SLC8A1: variants seen among roughly 807,000 people sequenced by gnomAD.
SLC8A1 encodes the protein sodium/calcium exchanger 1.
SLC8A1 carries 18 observed loss-of-function variants against 68.3 expected under a neutral mutation model. That is an observed-to-expected ratio of 0.26 (90% CI 0.18 to 0.39). SLC8A1 has a LOEUF of 0.39. SLC8A1 is among the 10% of genes least tolerant of loss of function. The pLI is 1.00. For synonymous variants in SLC8A1, 475 were observed against 415.5 expected, an observed-to-expected ratio of 1.14 and a Z score of -1.74; for missense variants, 985 against 1,156.7, an observed-to-expected ratio of 0.85 and a Z score of 2.15.
chr2:40,276,143 C>G (rs187662627), intron 2 of SLC8A1, among the ~76,000 whole-genome samples: 23 of 152,300 alleles, frequency 1.5e-4, no homozygotes, highest in Admixed American at 1.5e-3. Context: ...GGAAATTGGG[C>G]AATCATTTGG....
intron 2 of SLC8A1, among the ~76,000 whole-genome samples, chr2:40,243,513 C>G (rs184115206): frequency 5.9e-5 from 9 of 152,210 alleles, no homozygotes; most frequent in African/African-American, 2.2e-4. Context: ...AAAGATTTCT[C>G]AAGTCTAAGT....
At chr2:40,123,280 G>C (rs983864475) in intron 7 of SLC8A1, 1 of 152,226 alleles carries the variant, frequency 6.6e-6, no homozygotes, top group Non-Finnish European at 1.5e-5. Flanking sequence ...CAATGGTAAA[G>C]CAGCTGATCG....
chr2:40,428,709 G>T, exon 2 of SLC8A1: 1 of 1,613,788 alleles, frequency 6.2e-7, no homozygotes, highest in African/African-American at 1.3e-5. Flanking sequence ...TGGCAGTGGA[G>T]GGAGATCCGA....
intron 2 of SLC8A1, among the ~76,000 whole-genome samples, chr2:40,238,027 T>A (rs2060648006): frequency 6.6e-6 from 1 of 152,186 alleles, no homozygotes; most frequent in Admixed American, 6.5e-5. Flanking sequence ...ACAGGGACAT[T>A]TAAGTCTGCA....
chr2:40,138,024 C>A (rs1001199460), intron 7 of SLC8A1, among the ~76,000 whole-genome samples: 20 of 152,114 alleles, frequency 1.3e-4, no homozygotes, highest in African/African-American at 4.8e-4. Context: ...TAAAAATCAC[C>A]AGAAATACAA....
At chr2:40,404,397 A>T (rs555402910) in intron 2 of SLC8A1, among the ~76,000 whole-genome samples, 1 of 152,332 alleles carries the variant, frequency 6.6e-6, no homozygotes, top group South Asian at 2.1e-4. Flanking sequence ...AATTTTGCTG[A>T]TGCCTTCAGT....
chr2:40,145,969 CT>C (rs59100198), intron 6 of SLC8A1, among the ~76,000 whole-genome samples: 4,450 of 30,732 alleles, frequency 0.14, 208 homozygotes, highest in African/African-American at 0.21. Flanking sequence ...GTTGATCTCT[CT>C]TTTTTTTGTA....
At chr2:40,441,289 GA>G (rs1700431435) in intron 1 of SLC8A1, among the ~76,000 whole-genome samples, 1 of 151,380 alleles carries the variant, frequency 6.6e-6, no homozygotes, top group Non-Finnish European at 1.5e-5. Flanking sequence ...GACAGAAATG[GA>G]AAAACATTCC....
Position 40,438,988 on chromosome 2 carries a change from A to T in SLC8A1, c.-24-8684T>A, listed in dbSNP as rs1396051616. On this transcript the variant is annotated intron_variant, in intron 1 of 7. Coordinates refer to ENST00000406785, the Ensembl canonical transcript of SLC8A1. ...AGAAAACAGTGTTTGTTCTAATATC[A>T]GTAAGATGTTGATGTTAAGTAATAT... 6.6e-5 allele frequency among the ~76,000 whole-genome samples: 10 copies of T among 152,106 alleles called. 1 individual carries two copies. Among genetic ancestry groups the T allele is most frequent in the Non-Finnish European group, 1.2e-4 (8 of 67,996 alleles).
intron 2 of SLC8A1, among the ~76,000 whole-genome samples, chr2:40,277,239 T>A (rs144586863): frequency 6.6e-6 from 1 of 152,146 alleles, no homozygotes; most frequent in Non-Finnish European, 1.5e-5. Context: ...GTTTTTTTTT[T>A]ATTTTTAAAA....
In SLC8A1 at chr2:40,277,794, G is replaced by GTGTATA. The variant is rs907874659; in HGVS notation, c.1809-99940_1809-99939insTATACA. Among the ~76,000 whole-genome samples the GTGTATA allele has an allele frequency of 2.4e-4, 26 of 108,022 alleles. 1 individual carries two copies. The highest frequency in any genetic ancestry group is 1.3e-3 in the South Asian group (4 of 3,028). 70.9% of individuals were successfully genotyped at this position (108,022 alleles called of 152,430 possible). A position where few individuals can be genotyped will look rare whatever the true frequency, so the allele number is the denominator to read the frequency against. On this transcript the variant is annotated intron_variant, in intron 2 of 7. Transcript: ENST00000406785. ...TATGTATAAATATATATATATGTGT[G>GTGTATA]TATATATATATATATATATATATAT... is the stretch of plus-strand genomic sequence containing the variant.
In SLC8A1 at chr2:40,200,205, T is replaced by TAA. The variant is rs1558721505; in HGVS notation, c.1809-22352_1809-22351dup. 3.1e-4 allele frequency among the ~76,000 whole-genome samples: 9 copies of TAA among 28,946 alleles called. 1 individual carries two copies. Among genetic ancestry groups the TAA allele is most frequent in the African/African-American group, 9.7e-4 (9 of 9,242 alleles). The allele number at this position is 28,946 out of a possible 152,430, so 19.0% of individuals were successfully genotyped here. On this transcript the variant is annotated intron_variant, in intron 2 of 7. Coordinates refer to ENST00000406785, the Ensembl canonical transcript of SLC8A1. ...ATATATATATATTTATATATATATATAAATATATATATATTTTTTTATATA... is the reference window on the plus strand; with the variant it reads ...ATATATATATATTTATATATATATATAAAAATATATATATATTTTTTTATATA...
At chr2:40,456,092 G>A (rs1223485187), upstream of SLC8A1, among the ~76,000 whole-genome samples, 1 of 152,132 alleles carries the variant, frequency 6.6e-6, no homozygotes, top group African/African-American at 2.4e-5. Flanking sequence ...TGAGGCGGGT[G>A]GATCACGAGG....
At chr2:40,198,499 T>C (rs981253586) in intron 2 of SLC8A1, among the ~76,000 whole-genome samples, 1 of 151,992 alleles carries the variant, frequency 6.6e-6, no homozygotes, top group Non-Finnish European at 1.5e-5. Flanking sequence ...AGGTATTTAA[T>C]TTCAGTTGCT....
chr2:40,466,617 T>C (rs1334834477), intron 1 of SLC8A1, among the ~76,000 whole-genome samples: 1 of 152,196 alleles, frequency 6.6e-6, no homozygotes, highest in Non-Finnish European at 1.5e-5. Flanking sequence ...TACGAGGATC[T>C]TGTAGTGCAA....
intron 2 of SLC8A1, among the ~76,000 whole-genome samples, chr2:40,206,126 A>C (rs1375614332): frequency 6.6e-6 from 1 of 152,142 alleles, no homozygotes; most frequent in East Asian, 1.9e-4. Context: ...CTTCACAATT[A>C]TAATTGAATC....
At chr2:40,450,431 G>A (rs1702232893) in intron 1 of SLC8A1, among the ~76,000 whole-genome samples, 1 of 151,984 alleles carries the variant, frequency 6.6e-6, no homozygotes, top group Admixed American at 6.6e-5. Flanking sequence ...TTCTCTCCTG[G>A]TGGCTCCCTC....
chr2:40,361,589 A>G (rs1674649918), intron 2 of SLC8A1, among the ~76,000 whole-genome samples: 1 of 151,994 alleles, frequency 6.6e-6, no homozygotes, highest in Non-Finnish European at 1.5e-5. Context: ...CTGAAGTGCA[A>G]TCAAGAACTC....
At chr2:40,468,099 C>T (rs1703797295) in intron 1 of SLC8A1, among the ~76,000 whole-genome samples, 1 of 152,130 alleles carries the variant, frequency 6.6e-6, no homozygotes, top group East Asian at 1.9e-4. Flanking sequence ...ATGCTTCCTA[C>T]ACATAATATA....
Sources: allele counts gnomAD v4.1 joint callset (sites outside exome capture counted in the v4.1 genomes callset), GRCh38; gene constraint gnomAD v4.1.1; transcripts MANE v1.5; gene names NCBI Gene and HGNC (gene_info 2026-07-23, HGNC 2026-07-21).